The following NUBPL variants were observed in gnomAD, a reference collection of about 807,000 sequenced individuals.
The protein encoded by NUBPL is NUBP iron-sulfur cluster assembly factor, mitochondrial.
Under a neutral mutation model 45.7 loss-of-function variants are expected in NUBPL, and 31 were observed. That is an observed-to-expected ratio of 0.68 (90% CI 0.51 to 0.92). The LOEUF (loss-of-function observed/expected upper bound fraction) is 0.92. Among genes scored for constraint, NUBPL ranks in the 40% least tolerant of loss-of-function variants. The pLI is 0.00. For missense variants in NUBPL, 401 were observed against 398.7 expected (o/e 1.01, Z -0.05); for synonymous variants, 144 against 140.9 (o/e 1.02, Z -0.15).
At chr14:31,767,264 G>A (rs1339611068) in intron 6 of NUBPL, among the ~76,000 whole-genome samples, 2 of 152,090 alleles carry the variant, frequency 1.3e-5, no homozygotes, top group African/African-American at 2.4e-5. Flanking sequence ...GTGCAGTGGC[G>A]CGATCTCGGC....
intron 8 of NUBPL, among the ~76,000 whole-genome samples, chr14:31,835,315 A>G (rs1396485288): frequency 6.6e-6 from 1 of 152,122 alleles, no homozygotes; most frequent in Non-Finnish European, 1.5e-5. Flanking sequence ...GTCTCTATCT[A>G]GTTGTCATCT....
At position 31,564,988 on chromosome 14, in the gene NUBPL, T is replaced by C. The variant is rs1232339037; in HGVS notation, c.257-26T>C. 5.7e-6 allele frequency: 8 copies of C among 1,405,950 alleles called. No homozygotes were observed. In the African/African-American group the frequency reaches 8.5e-5, roughly 15 times the overall value. The allele number at this position is 1,405,950 out of a possible 1,614,324, so 87.1% of individuals were successfully genotyped here. ...TTTAATAGAAGGAAAGTTACTAAAT[T>C]CAATTACTTTTTTTGTTTCTTACAG... On this transcript the variant is annotated intron_variant, in intron 2 of 10. Coordinates refer to ENST00000281081, the MANE Select transcript of NUBPL (RefSeq NM_025152.3).
chr14:31,660,206 T>C (rs1057048347), intron 4 of NUBPL, among the ~76,000 whole-genome samples: 3 of 151,554 alleles, frequency 2.0e-5, no homozygotes, highest in African/African-American at 7.3e-5. Context: ...TTTGACCCAT[T>C]CCACTTTCTA....
At chr14:31,658,582 A>G (rs1277708198) in intron 4 of NUBPL, among the ~76,000 whole-genome samples, 1 of 150,866 alleles carries the variant, frequency 6.6e-6, no homozygotes, top group East Asian at 2.0e-4. Flanking sequence ...ACGTGATTTC[A>G]GCTCACTGCA....
At chr14:31,790,193 A>C (rs1352597873) in intron 7 of NUBPL, among the ~76,000 whole-genome samples, 2 of 152,050 alleles carry the variant, frequency 1.3e-5, no homozygotes, top group Non-Finnish European at 2.9e-5. Context: ...TTTTTTCTCC[A>C]CTTACTTTTC....
intron 6 of NUBPL, among the ~76,000 whole-genome samples, chr14:31,743,042 A>G (rs965500913): frequency 3.9e-5 from 6 of 152,078 alleles, no homozygotes; most frequent in African/African-American, 1.4e-4. Flanking sequence ...CTTTGATTTT[A>G]TCTTTTAGCT....
At chr14:31,630,413 T>C (rs543272291) in intron 4 of NUBPL, among the ~76,000 whole-genome samples, 2 of 152,332 alleles carry the variant, frequency 1.3e-5, no homozygotes, top group East Asian at 3.9e-4. Flanking sequence ...CTGGGGGATA[T>C]TGATTAGGCT....
chr14:31,702,269 C>T (rs1442258763), intron 6 of NUBPL, among the ~76,000 whole-genome samples: 1 of 152,166 alleles, frequency 6.6e-6, no homozygotes, highest in Non-Finnish European at 1.5e-5. Flanking sequence ...GCATTGCCAA[C>T]CAGGGAAGCT....
chr14:31,760,828 T>G (rs536449691), intron 6 of NUBPL, among the ~76,000 whole-genome samples: 1 of 135,748 alleles, frequency 7.4e-6, no homozygotes, highest in East Asian at 1.9e-4. Context: ...CTTTTTACAT[T>G]TTACTTTATT....
intron 4 of NUBPL, among the ~76,000 whole-genome samples, chr14:31,645,014 CCTTA>C (rs974629883): frequency 6.1e-4 from 93 of 151,910 alleles, no homozygotes; most frequent in African/African-American, 2.1e-3. Context: ...TCTCCAATCT[CCTTA>C]CTTTCAGTTT....
At chr14:31,774,056 A>G (rs576103199) in intron 6 of NUBPL, among the ~76,000 whole-genome samples, 1 of 152,254 alleles carries the variant, frequency 6.6e-6, no homozygotes, top group South Asian at 2.1e-4. Flanking sequence ...CTTTGGTTAC[A>G]CCTTTCCATG....
At chr14:31,858,173 G>A (rs920627689) in intron 10 of NUBPL, among the ~76,000 whole-genome samples, 4 of 152,142 alleles carry the variant, frequency 2.6e-5, no homozygotes, top group African/African-American at 9.7e-5. Context: ...AGAGACTCCT[G>A]TTATTAAAGC....
chr14:31,664,127 G>T (rs376516391), intron 4 of NUBPL, among the ~76,000 whole-genome samples: 1 of 152,144 alleles, frequency 6.6e-6, no homozygotes, highest in South Asian at 2.1e-4. Flanking sequence ...TCAGCTTAAG[G>T]AGTTTTTGGA....
chr14:31,755,260 T>C (rs1185211175), intron 6 of NUBPL, among the ~76,000 whole-genome samples: 1 of 152,090 alleles, frequency 6.6e-6, no homozygotes, highest in Non-Finnish European at 1.5e-5. Context: ...TCTAGATCCC[T>C]GAGGAATCGC....
chr14:31,760,144 T>TGTGTGTGTGTGTGTGTGAGAGAGAGA lies in NUBPL; in HGVS notation c.514-27635_514-27634insTGTGTGTGTGTGTGTGAGAGAGAGAG. ...TGACTTTAGTGTGTGTGTGTGTGTG[T>TGTGTGTGTGTGTGTGTGAGAGAGAGA]GAGAGAGAGAGAGAGAGAGAGAGAG... On this transcript the variant is annotated intron_variant, in intron 6 of 10. Coordinates refer to ENST00000281081, the MANE Select transcript of NUBPL (RefSeq NM_025152.3). 7.5e-4 allele frequency among the ~76,000 whole-genome samples: 26 copies of TGTGTGTGTGTGTGTGTGAGAGAGAGA among 34,842 alleles called. 1 individual carries two copies. Among genetic ancestry groups the TGTGTGTGTGTGTGTGTGAGAGAGAGA allele is most frequent in the South Asian group, 1.9e-3 (1 of 532 alleles). 22.9% of individuals were successfully genotyped at this position (34,842 alleles called of 152,430 possible).
At chr14:31,772,997 T>C (rs2039036187) in intron 6 of NUBPL, among the ~76,000 whole-genome samples, 1 of 152,178 alleles carries the variant, frequency 6.6e-6, no homozygotes, top group Non-Finnish European at 1.5e-5. Flanking sequence ...ATAATATGTT[T>C]TCATTTTATA....
intron 7 of NUBPL, among the ~76,000 whole-genome samples, chr14:31,806,893 T>A (rs1253416021): frequency 6.6e-6 from 1 of 152,246 alleles, no homozygotes. Flanking sequence ...GTCCTTGTGA[T>A]AGTTTGCTCT....
intron 7 of NUBPL, among the ~76,000 whole-genome samples, chr14:31,788,219 A>G (rs980149087): frequency 2.0e-5 from 3 of 152,184 alleles, no homozygotes; most frequent in Non-Finnish European, 4.4e-5. Context: ...TAGTAGCAGC[A>G]AGGGTTCAGT....
intron 7 of NUBPL, among the ~76,000 whole-genome samples, chr14:31,825,985 G>A (rs2138965321): frequency 6.6e-6 from 1 of 151,916 alleles, no homozygotes; most frequent in Non-Finnish European, 1.5e-5. Context: ...ACCATGCCTG[G>A]CTATTGGACT....
Sources: gnomAD v4.1 joint callset for allele counts (sites outside exome capture counted in the v4.1 genomes callset) on GRCh38, gnomAD v4.1.1 for gene constraint, MANE v1.5 for transcripts, NCBI Gene and HGNC (gene_info 2026-07-23, HGNC 2026-07-21) for gene names.